The following RORA variants were observed in gnomAD, a reference collection of about 807,000 sequenced individuals.
The protein encoded by RORA is nuclear receptor ROR-alpha.
RORA carries 7 observed loss-of-function variants against 69.5 expected under a neutral mutation model. The observed-to-expected ratio is 0.10, with a 90% CI of 0.06 to 0.19. The LOEUF (loss-of-function observed/expected upper bound fraction) is 0.19. RORA is among the 10% of genes least tolerant of loss of function. RORA has a pLI of 1.00. For missense variants in RORA, 457 were observed against 663.0 expected (o/e 0.69, Z 3.41); for synonymous variants, 261 against 240.8 (o/e 1.08, Z -0.78).
chr15:61,090,388 C>A (rs1319754640), intron 1 of RORA, among the ~76,000 whole-genome samples: 1 of 152,176 alleles, frequency 6.6e-6, no homozygotes, highest in African/African-American at 2.4e-5. Flanking sequence ...CAGTTGCCAA[C>A]ACACTGTCAT....
At chr15:61,163,045 G>A (rs1043487020) in intron 1 of RORA, among the ~76,000 whole-genome samples, 9 of 152,190 alleles carry the variant, frequency 5.9e-5, no homozygotes, top group Non-Finnish European at 1.3e-4. Flanking sequence ...AATGCCAATG[G>A]CTCCAAGTGG....
chr15:60,735,906 T>C (rs570492714), intron 1 of RORA, among the ~76,000 whole-genome samples: 1 of 152,346 alleles, frequency 6.6e-6, no homozygotes, highest in East Asian at 1.9e-4. Flanking sequence ...ACTTATTGAC[T>C]TGACTGGCCA....
chr15:60,677,237 G>A (rs1287557397), intron 2 of RORA: 2 of 455,556 alleles, frequency 4.4e-6, no homozygotes, highest in Non-Finnish European at 8.8e-6. Context: ...CCTGCCCTGC[G>A]GATATACAGA....
intron 1 of RORA, among the ~76,000 whole-genome samples, chr15:60,979,121 C>T (rs1255389699): frequency 6.6e-6 from 1 of 151,704 alleles, no homozygotes; most frequent in Non-Finnish European, 1.5e-5. Flanking sequence ...ACCACCATGC[C>T]TGGCTAATTT....
intron 1 of RORA, among the ~76,000 whole-genome samples, chr15:61,192,446 C>A (rs1042925488): frequency 2.0e-5 from 3 of 152,148 alleles, no homozygotes; most frequent in East Asian, 1.9e-4. Context: ...GACCCAGGTA[C>A]CCCATTCACC....
intron 1 of RORA, among the ~76,000 whole-genome samples, chr15:60,729,992 G>C (rs527850107): frequency 6.6e-6 from 1 of 152,286 alleles, no homozygotes; most frequent in East Asian, 1.9e-4. Context: ...TTCTTCTCAC[G>C]ACTTGTCCCT....
chr15:60,512,927 A>G (rs954378911), intron 4 of RORA, among the ~76,000 whole-genome samples: 24 of 152,180 alleles, frequency 1.6e-4, no homozygotes, highest in African/African-American at 5.8e-4. Context: ...AGCTAGACTC[A>G]GTCTTTGCTG....
chr15:61,163,232 G>A (rs959339129), intron 1 of RORA, among the ~76,000 whole-genome samples: 1 of 152,114 alleles, frequency 6.6e-6, no homozygotes, highest in Non-Finnish European at 1.5e-5. Context: ...AATCATGGAA[G>A]GCCACATAGA....
chr15:60,598,879 C>T (rs1196925202), intron 2 of RORA, among the ~76,000 whole-genome samples: 2 of 152,214 alleles, frequency 1.3e-5, no homozygotes, highest in African/African-American at 4.8e-5. Context: ...GTCTTATTTC[C>T]TATAGGAGAG....
intron 1 of RORA, among the ~76,000 whole-genome samples, chr15:61,141,353 G>C (rs2079296728): frequency 6.6e-6 from 1 of 152,140 alleles, no homozygotes; most frequent in Non-Finnish European, 1.5e-5. Context: ...TGACTGGAAT[G>C]ATTTAAAGCC....
chr15:60,661,301 T>A (rs1310077716), intron 2 of RORA, among the ~76,000 whole-genome samples: 1 of 152,170 alleles, frequency 6.6e-6, no homozygotes, highest in Non-Finnish European at 1.5e-5. Context: ...CAAATGTAGA[T>A]GAGTTACTTG....
chr15:60,869,612 A>C (rs1347855125), intron 1 of RORA, among the ~76,000 whole-genome samples: 1 of 152,246 alleles, frequency 6.6e-6, no homozygotes, highest in Non-Finnish European at 1.5e-5. Context: ...GTGGCTGGTC[A>C]CATAACAGGT....
intron 2 of RORA, among the ~76,000 whole-genome samples, chr15:60,607,710 G>A (rs758710181): frequency 9.9e-5 from 15 of 152,130 alleles, no homozygotes; most frequent in Non-Finnish European, 1.9e-4. Context: ...ATATTTACTG[G>A]AGTGATGAGT....
chr15:61,205,197 A>C (rs1283512281), intron 1 of RORA, among the ~76,000 whole-genome samples: 1 of 152,214 alleles, frequency 6.6e-6, no homozygotes, highest in African/African-American at 2.4e-5. Context: ...AGGGGCAGCA[A>C]GCCCACAGAG....
At chr15:60,920,395 C>CT (rs1892006820) in intron 1 of RORA, among the ~76,000 whole-genome samples, 1 of 152,164 alleles carries the variant, frequency 6.6e-6, no homozygotes, top group Admixed American at 6.5e-5. Flanking sequence ...GGATTTGAAC[C>CT]TATGCCCATT....
intron 1 of RORA, among the ~76,000 whole-genome samples, chr15:60,717,736 GA>G (rs2071238090): frequency 6.7e-6 from 1 of 148,776 alleles, no homozygotes; most frequent in African/African-American, 2.5e-5. Context: ...AGTTTAGGTA[GA>G]AAAACTCTGG....
chr15:61,174,784 T>C (rs2079613567), intron 1 of RORA, among the ~76,000 whole-genome samples: 1 of 152,028 alleles, frequency 6.6e-6, no homozygotes, highest in South Asian at 2.1e-4. Context: ...TGCCAGCTAA[T>C]GTTTATTGCA....
At chr15:61,208,316 T>C (rs1014386906) in intron 1 of RORA, among the ~76,000 whole-genome samples, 1 of 152,166 alleles carries the variant, frequency 6.6e-6, no homozygotes, top group Non-Finnish European at 1.5e-5. Flanking sequence ...GAACACATAG[T>C]ATATGATTCC....
intron 1 of RORA, among the ~76,000 whole-genome samples, chr15:60,865,348 C>A (rs1014331948): frequency 6.6e-6 from 1 of 152,212 alleles, no homozygotes; most frequent in African/African-American, 2.4e-5. Context: ...ATTCTATTAT[C>A]TTTGTGCTCT....
Sources: gnomAD v4.1 joint callset for allele counts (sites outside exome capture counted in the v4.1 genomes callset) on GRCh38, gnomAD v4.1.1 for gene constraint, MANE v1.5 for transcripts, NCBI Gene and HGNC (gene_info 2026-07-23, HGNC 2026-07-21) for gene names.